INSL6: variants seen among roughly 807,000 people sequenced by gnomAD.
INSL6 encodes the protein insulin-like peptide INSL6.
INSL6 carries 16 observed loss-of-function variants against 9.4 expected under a neutral mutation model. The ratio of observed to expected loss-of-function variants is 1.70; its 90% CI spans 1.15 to 2.59. The LOEUF (loss-of-function observed/expected upper bound fraction) is 2.59, where lower values mean the gene tolerates loss of function less well. INSL6 is among the 30% of genes most tolerant of loss of function. INSL6 has a pLI of 0.00. For missense variants in INSL6, 391 were observed against 257.3 expected, an observed-to-expected ratio of 1.52 and a Z score of -3.56; for synonymous variants, 154 against 96.9, an observed-to-expected ratio of 1.59 and a Z score of -3.46.
chr9:5,067,120 C>T, the INSL6 span, among the ~76,000 whole-genome samples: 1 of 152,220 alleles, frequency 6.6e-6, no homozygotes, highest in South Asian at 2.1e-4. Context: ...ATCTTTGCCA[C>T]ATCATGTAGA....
chr9:5,032,081 G>A, the INSL6 span, among the ~76,000 whole-genome samples: 8 of 152,220 alleles, frequency 5.3e-5, no homozygotes, highest in Admixed American at 2.6e-4. Flanking sequence ...CTATTCTAAC[G>A]GTATTAGCAA....
chr9:5,116,867 A>G, the INSL6 span, among the ~76,000 whole-genome samples: 4 of 152,254 alleles, frequency 2.6e-5, no homozygotes, highest in African/African-American at 9.6e-5. Context: ...TCAATAATTA[A>G]GTGCAATAAG....
At chr9:5,161,431 A>G (rs973004923), downstream of INSL6, among the ~76,000 whole-genome samples, 2 of 152,332 alleles carry the variant, frequency 1.3e-5, no homozygotes, top group Non-Finnish European at 1.5e-5. Flanking sequence ...ACATACCTCA[A>G]CATAATGAAA....
chr9:5,115,281 A>AT, the INSL6 span, among the ~76,000 whole-genome samples: 2 of 152,234 alleles, frequency 1.3e-5, no homozygotes, highest in African/African-American at 4.8e-5. Context: ...AAAAGAAGAC[A>AT]TTTATGTGGC....
At chr9:5,099,732 T>G in the INSL6 span, 1 of 152,136 alleles carries the variant, frequency 6.6e-6, no homozygotes, top group Non-Finnish European at 1.5e-5. Context: ...AGATAATAAT[T>G]ACCCATAACA....
At chr9:5,080,711 T>TAATAAA in the INSL6 span, 1 of 1,483,914 alleles carries the variant, frequency 6.7e-7, no homozygotes, top group East Asian at 2.4e-5. Context: ...CTTATTGATT[T>TAATAAA]TCCAGCTTTC....
At chr9:5,077,653 G>A in the INSL6 span, 1 of 974,352 alleles carries the variant, frequency 1.0e-6, no homozygotes, top group Non-Finnish European at 1.4e-6. Context: ...ATCTTTACCT[G>A]GAAACAAAAA....
At chr9:5,050,856 C>T in the INSL6 span, 2 of 1,587,990 alleles carry the variant, frequency 1.3e-6, no homozygotes, top group Admixed American at 1.7e-5. Flanking sequence ...CAAATCCTTA[C>T]ACATAAGTGT....
chr9:5,109,230 T>G, the INSL6 span: 1 of 152,196 alleles, frequency 6.6e-6, no homozygotes, highest in African/African-American at 2.4e-5. Context: ...CATTAATATT[T>G]ATACATGTTA....
chr9:5,035,684 T>C, the INSL6 span, among the ~76,000 whole-genome samples: 1 of 152,316 alleles, frequency 6.6e-6, no homozygotes, highest in East Asian at 1.9e-4. Context: ...TCAACAACCC[T>C]TCATGCTAAA....
At chr9:5,166,102 A>G (rs1340023484) in intron 1 of INSL6, among the ~76,000 whole-genome samples, 1 of 152,246 alleles carries the variant, frequency 6.6e-6, no homozygotes, top group African/African-American at 2.4e-5. Flanking sequence ...AGTGAGAACC[A>G]AAGCTAGAAG....
chr9:5,048,064 C>T, the INSL6 span, among the ~76,000 whole-genome samples: 1 of 152,218 alleles, frequency 6.6e-6, no homozygotes, highest in African/African-American at 2.4e-5. Context: ...ACTCATTTTT[C>T]ATATATTTAT....
At chr9:5,063,844 T>C in the INSL6 span, among the ~76,000 whole-genome samples, 1 of 152,238 alleles carries the variant, frequency 6.6e-6, no homozygotes, top group Non-Finnish European at 1.5e-5. Context: ...TTTGGCTGAC[T>C]ACATGTTCAC....
In INSL6 at chr9:5,184,431, G is replaced by A. The variant is rs368474877; in HGVS notation, c.289+883C>T. 2.4e-4 allele frequency among the ~76,000 whole-genome samples: 36 copies of A among 152,296 alleles called. No individual in the cohort carries two copies. In the East Asian group the frequency reaches 6.2e-3, roughly 26 times the overall value. ...GTCACAAAATGTAAAAACATAGTAAGATATACCAATGAATCTGGAACAAGA... is the reference window on the plus strand; with the variant it reads ...GTCACAAAATGTAAAAACATAGTAAAATATACCAATGAATCTGGAACAAGA... On this transcript the variant is annotated intron_variant, in intron 1 of 1. Transcript: ENST00000381641.
chr9:5,102,370 C>T, the INSL6 span, among the ~76,000 whole-genome samples: 1 of 152,096 alleles, frequency 6.6e-6, no homozygotes, highest in Non-Finnish European at 1.5e-5. Context: ...AAGATAAAGC[C>T]TACAAGAAAT....
the INSL6 span, among the ~76,000 whole-genome samples, chr9:5,043,251 G>T: frequency 6.6e-6 from 1 of 152,084 alleles, no homozygotes; most frequent in Admixed American, 6.5e-5. Flanking sequence ...TTTACCAAGT[G>T]TACGGAAATG....
chr9:5,142,571 G>C (rs993988471), intron 2 of INSL6, among the ~76,000 whole-genome samples: 2 of 152,204 alleles, frequency 1.3e-5, no homozygotes, highest in Admixed American at 1.3e-4. Context: ...AGGCTTTGCT[G>C]AAGCTGTTTA....
At chr9:5,156,014 T>TA (rs1443179718) in intron 2 of INSL6, among the ~76,000 whole-genome samples, 1 of 151,506 alleles carries the variant, frequency 6.6e-6, no homozygotes, top group Non-Finnish European at 1.5e-5. Flanking sequence ...AAATCAGTAA[T>TA]AAAAAAAGGA....
chr9:5,089,269 T>C, the INSL6 span, among the ~76,000 whole-genome samples: 1 of 152,194 alleles, frequency 6.6e-6, no homozygotes, highest in Non-Finnish European at 1.5e-5. Context: ...CTGGGCATGG[T>C]GGCTCATGCC....
Sources: gnomAD v4.1 joint callset for allele counts (sites outside exome capture counted in the v4.1 genomes callset) on GRCh38, gnomAD v4.1.1 for gene constraint, MANE v1.5 for transcripts, NCBI Gene and HGNC (gene_info 2026-07-23, HGNC 2026-07-21) for gene names.